The following PLXDC2 variants were observed in gnomAD, a reference collection of about 807,000 sequenced individuals.
PLXDC2 encodes plexin domain containing 2, also known as plexin domain-containing protein 2.
Under a neutral mutation model 68.9 loss-of-function variants are expected in PLXDC2, and 40 were observed. The ratio of observed to expected loss-of-function variants is 0.58; its 90% confidence interval spans 0.45 to 0.76. The LOEUF (loss-of-function observed/expected upper bound fraction) is 0.76, where lower values mean the gene tolerates loss of function less well. PLXDC2 is among the 30% of genes least tolerant of loss of function. PLXDC2 has a pLI of 0.00. For synonymous variants in PLXDC2, 243 were observed against 234.2 expected, an observed-to-expected ratio of 1.04 and a Z score of -0.34; for missense variants, 644 against 661.9, an observed-to-expected ratio of 0.97 and a Z score of 0.30.
chr10:19,931,360 C>A (rs1833630143), intron 1 of PLXDC2, among the ~76,000 whole-genome samples: 1 of 152,210 alleles, frequency 6.6e-6, no homozygotes, highest in South Asian at 2.1e-4. Flanking sequence ...GTGAGCCAAG[C>A]TGTTTTTAAT....
chr10:19,825,434 G>A (rs1371721943), intron 1 of PLXDC2, among the ~76,000 whole-genome samples: 1 of 152,124 alleles, frequency 6.6e-6, no homozygotes, highest in Non-Finnish European at 1.5e-5. Context: ...TATTCTCTTT[G>A]AGTATGATGC....
intron 6 of PLXDC2, among the ~76,000 whole-genome samples, chr10:20,159,511 T>G (rs1447438339): frequency 6.6e-6 from 1 of 152,162 alleles, no homozygotes; most frequent in Admixed American, 6.6e-5. Context: ...CTAACTAGTT[T>G]GTCTGGCTCC....
At chr10:20,256,583 G>A (rs1406227327) in intron 13 of PLXDC2, among the ~76,000 whole-genome samples, 6 of 151,798 alleles carry the variant, frequency 4.0e-5, no homozygotes, top group Admixed American at 2.0e-4. Context: ...AATTTATTGT[G>A]CCCCTAGATT....
intron 11 of PLXDC2, 26 bp downstream of exon 11, chr10:20,217,602 T>TGC: frequency 8.0e-7 from 1 of 1,247,722 alleles, no homozygotes; most frequent in African/African-American, 1.6e-5. Context: ...TTTGCTTTTT[T>TGC]TTTTTTTTTT....
intron 9 of PLXDC2, among the ~76,000 whole-genome samples, chr10:20,185,046 C>T (rs1205377519): frequency 2.7e-5 from 4 of 149,834 alleles, no homozygotes; most frequent in Admixed American, 2.0e-4. Flanking sequence ...ATACCTAATG[C>T]ATGCGGGGCT....
At chr10:20,242,112 T>C (rs1835524162) in intron 12 of PLXDC2, among the ~76,000 whole-genome samples, 2 of 152,272 alleles carry the variant, frequency 1.3e-5, no homozygotes, top group Middle Eastern at 3.4e-3. Flanking sequence ...ACATTTTCCC[T>C]AAAGCCACAT....
rs1834559492 is a variant in PLXDC2, at chr10:19,982,058, A to G, written c.113-19717A>G. 2.0e-5 allele frequency among the ~76,000 whole-genome samples: 3 copies of G among 152,200 alleles called. No individual in the cohort carries two copies. In the South Asian group the frequency reaches 6.2e-4, roughly 32 times the overall value. ...TGCTCTTATCATTAGTCCAGAATAT[A>G]TAGTATTCATGATGCCTGCCTCTGC... On this transcript the variant is annotated intron_variant, in intron 1 of 13. Transcript: ENST00000377252.
At chr10:19,878,917 G>A (rs12571718) in intron 1 of PLXDC2, among the ~76,000 whole-genome samples, 6,037 of 152,188 alleles carry the variant, frequency 0.04, 204 homozygotes, top group East Asian at 0.14. Context: ...GTCATACCAT[G>A]GGGAATTAAG....
intron 10 of PLXDC2, among the ~76,000 whole-genome samples, chr10:20,214,526 T>C (rs77538276): frequency 0.17 from 26,466 of 152,106 alleles, 3,016 homozygotes; most frequent in Non-Finnish European, 0.25. Flanking sequence ...ATTCTGCTTT[T>C]TTAACTTCCC....
intron 1 of PLXDC2, among the ~76,000 whole-genome samples, chr10:19,843,649 A>G (rs1432470321): frequency 6.6e-6 from 1 of 152,208 alleles, no homozygotes; most frequent in African/African-American, 2.4e-5. Flanking sequence ...TCATTATATT[A>G]GGGGAAATAA....
At position 19,978,423 on chromosome 10, in the gene PLXDC2, A is replaced by G. The variant is rs562732775; in HGVS notation, c.113-23352A>G. ...TATAAAACCCTGAGCTCTTTCATTCATACTTGATTCATATGTGCAGTAAAG... is the reference window on the plus strand; with the variant it reads ...TATAAAACCCTGAGCTCTTTCATTCGTACTTGATTCATATGTGCAGTAAAG... On this transcript the variant is annotated intron_variant, in intron 1 of 13. Transcript: ENST00000377252. 3.7e-4 allele frequency among the ~76,000 whole-genome samples: 56 copies of G among 152,130 alleles called. No individual in the cohort carries two copies. In the South Asian group the frequency reaches 5.2e-3, roughly 14 times the overall value.
chr10:20,248,557 T>G (rs76045222), intron 13 of PLXDC2, among the ~76,000 whole-genome samples: 1 of 152,188 alleles, frequency 6.6e-6, no homozygotes, highest in African/African-American at 2.4e-5. Flanking sequence ...TGGCTTTTTT[T>G]CCTTCCTGTG....
intron 1 of PLXDC2, among the ~76,000 whole-genome samples, chr10:19,877,403 G>A (rs1462497149): frequency 2.6e-5 from 4 of 151,994 alleles, no homozygotes; most frequent in Non-Finnish European, 5.9e-5. Context: ...TTCTTCCAGG[G>A]TAATACAATT....
At chr10:19,898,729 G>A (rs1838106859) in intron 1 of PLXDC2, among the ~76,000 whole-genome samples, 1 of 152,148 alleles carries the variant, frequency 6.6e-6, no homozygotes, top group African/African-American at 2.4e-5. Context: ...TCAAAATCCA[G>A]CGTACTTAGT....
At chr10:20,227,913 C>T (rs139472305) in intron 12 of PLXDC2, among the ~76,000 whole-genome samples, 15 of 152,106 alleles carry the variant, frequency 9.9e-5, no homozygotes. Context: ...AGAGAATGCA[C>T]AAGAGAAGTA....
chr10:19,869,843 G>A (rs748533230), intron 1 of PLXDC2, among the ~76,000 whole-genome samples: 7 of 151,578 alleles, frequency 4.6e-5, no homozygotes, highest in South Asian at 2.1e-4. Context: ...CTCGCCTTAC[G>A]TTATTGGTTA....
intron 2 of PLXDC2, among the ~76,000 whole-genome samples, chr10:20,030,032 A>G (rs903165956): frequency 1.2e-4 from 18 of 152,210 alleles, no homozygotes; most frequent in African/African-American, 3.9e-4. Context: ...AAGTTCCTCT[A>G]TGCCAAATGA....
intron 1 of PLXDC2, among the ~76,000 whole-genome samples, chr10:19,822,590 A>G (rs1836490034): frequency 6.6e-6 from 1 of 152,148 alleles, no homozygotes; most frequent in Admixed American, 6.5e-5. Flanking sequence ...ATTCCCACCA[A>G]CAGTGTATAA....
intron 4 of PLXDC2, among the ~76,000 whole-genome samples, chr10:20,081,573 C>T (rs898236984): frequency 6.6e-6 from 1 of 152,126 alleles, no homozygotes; most frequent in African/African-American, 2.4e-5. Context: ...CCAAAACTGA[C>T]AGATGTCAAA....
Sources: allele counts gnomAD v4.1 joint callset (sites outside exome capture counted in the v4.1 genomes callset), GRCh38; gene constraint gnomAD v4.1.1; transcripts MANE v1.5; gene names NCBI Gene and HGNC (gene_info 2026-07-23, HGNC 2026-07-21).